SERPINI1: variants seen among roughly 807,000 people sequenced by gnomAD.
The protein encoded by SERPINI1 is neuroserpin.
SERPINI1 carries 19 observed loss-of-function variants against 41.1 expected under a neutral mutation model. The ratio of observed to expected loss-of-function variants is 0.46; its 90% CI spans 0.32 to 0.68. The LOEUF (loss-of-function observed/expected upper bound fraction) is 0.68, where lower values mean the gene tolerates loss of function less well. Among genes scored for constraint, SERPINI1 ranks in the 30% least tolerant of loss-of-function variants. The probability of loss-of-function intolerance (pLI) is 0.03; values close to 1 mark genes in which losing one functional copy is unlikely to be tolerated. For synonymous variants in SERPINI1, 138 were observed against 156.6 expected (o/e 0.88, Z 0.89); for missense variants, 460 against 479.2 (o/e 0.96, Z 0.37).
intron 6 of SERPINI1, among the ~76,000 whole-genome samples, chr3:167,818,216 C>T (rs1654155255): frequency 1.3e-5 from 2 of 151,880 alleles, no homozygotes; most frequent in Non-Finnish European, 2.9e-5. Flanking sequence ...TTAGTAGAGA[C>T]GGGGTTTCAC....
intron 1 of SERPINI1, among the ~76,000 whole-genome samples, chr3:167,739,510 G>T (rs1163123704): frequency 2.0e-5 from 3 of 152,178 alleles, no homozygotes; most frequent in Non-Finnish European, 4.4e-5. Context: ...TTGAGTGCCA[G>T]CATTTCTAAA....
At chr3:167,822,829 T>C in intron 6 of SERPINI1, 157 bp from the exon 7 acceptor site, 1 of 594,740 alleles carries the variant, frequency 1.7e-6, no homozygotes. Flanking sequence ...AAACCACATC[T>C]TCAATGGTTA....
chr3:167,811,386 G>GA (rs1025120767), intron 6 of SERPINI1, among the ~76,000 whole-genome samples: 4 of 136,588 alleles, frequency 2.9e-5, no homozygotes, highest in African/African-American at 1.1e-4. Context: ...AAACAGAGAA[G>GA]AAAAAAAAAT....
At chr3:167,814,201 T>C (rs562948670) in intron 6 of SERPINI1, among the ~76,000 whole-genome samples, 2 of 152,344 alleles carry the variant, frequency 1.3e-5, no homozygotes, top group East Asian at 3.9e-4. Context: ...TGTTCTTTTA[T>C]TTGATGTCTG....
intron 7 of SERPINI1, among the ~76,000 whole-genome samples, 166 bp from the exon 8 acceptor site, chr3:167,824,307 G>C (rs1477904978): frequency 6.6e-6 from 1 of 152,174 alleles, no homozygotes; most frequent in Non-Finnish European, 1.5e-5. Flanking sequence ...AGATCAAGTA[G>C]AAATGTTAAC....
chr3:167,819,794 T>A (rs1472524541), intron 6 of SERPINI1, among the ~76,000 whole-genome samples: 1 of 152,152 alleles, frequency 6.6e-6, no homozygotes, highest in Admixed American at 6.5e-5. Flanking sequence ...TAATGGGAAA[T>A]CAATTGTGCT....
Position 167,769,701 on chromosome 3 carries a change from C to A in SERPINI1, c.-18-19410C>A, listed in dbSNP as rs191159209. Among the ~76,000 whole-genome samples the A allele has an allele frequency of 2.6e-3, 397 of 152,062 alleles. 2 individuals are homozygous for A. The highest frequency in any genetic ancestry group is 6.8e-3 in the Middle Eastern group (2 of 294). On this transcript the variant is annotated intron_variant, in intron 1 of 8. Transcript: ENST00000446050. ...TCATTCTCTAATATTAAGAGTGTGA[C>A]CCTTAATATTTTTATCAGTCTGTTA...
chr3:167,804,639 C>T (rs1345076403), intron 5 of SERPINI1, among the ~76,000 whole-genome samples: 1 of 151,274 alleles, frequency 6.6e-6, no homozygotes, highest in East Asian at 2.0e-4. Flanking sequence ...TCAAGATCAG[C>T]CTCAGCAATA....
intron 5 of SERPINI1, among the ~76,000 whole-genome samples, chr3:167,802,017 C>A (rs1727914682): frequency 6.6e-6 from 1 of 151,998 alleles, no homozygotes; most frequent in African/African-American, 2.4e-5. Context: ...GAAAAACAAG[C>A]AATGGGGAAA....
At chr3:167,748,752 C>CTGTGTGTGTGTGTGTGTGTG (rs34438429) in intron 1 of SERPINI1, among the ~76,000 whole-genome samples, 12 of 143,548 alleles carry the variant, frequency 8.4e-5, no homozygotes, top group Non-Finnish European at 1.2e-4. Context: ...GTGTGTTACT[C>CTGTGTGTGTGTGTGTGTGTG]TGTGTGTGTG....
At chr3:167,792,067 G>A (rs1727538076) in intron 3 of SERPINI1, among the ~76,000 whole-genome samples, 1 of 152,166 alleles carries the variant, frequency 6.6e-6, no homozygotes, top group Non-Finnish European at 1.5e-5. Context: ...AGAGTTTGCA[G>A]TGAGCAGAGA....
rs1203943123 is a variant in SERPINI1, at chr3:167,744,699, AAT to A, written c.-19+8884_-19+8885del. On this transcript the variant is annotated intron_variant, in intron 1 of 8. Transcript: ENST00000446050. ...ATAAATATATATATAAACATATATA[AAT>A]ATATATAAAATATATATAAATATAT... 2.0e-4 allele frequency among the ~76,000 whole-genome samples: 21 copies of A among 103,980 alleles called. No homozygotes were observed. The East Asian group carries it at 4.9e-3, about 24-fold the overall frequency. 68.2% of individuals were successfully genotyped at this position (103,980 alleles called of 152,430 possible).
chr3:167,804,765 C>G (rs926806206), intron 5 of SERPINI1, among the ~76,000 whole-genome samples: 3 of 152,110 alleles, frequency 2.0e-5, no homozygotes, highest in African/African-American at 4.8e-5. Flanking sequence ...ATTGCTTGAG[C>G]CTGGGGGTTC....
intron 5 of SERPINI1, among the ~76,000 whole-genome samples, chr3:167,796,500 C>T (rs887814923): frequency 1.3e-5 from 2 of 152,070 alleles, no homozygotes; most frequent in African/African-American, 4.8e-5. Context: ...TATCCTGATA[C>T]TCTCCCTCCC....
chr3:167,792,403 A>AGTGT (rs113251395), intron 3 of SERPINI1, among the ~76,000 whole-genome samples, 187 bp from the exon 4 acceptor site: 70 of 151,282 alleles, frequency 4.6e-4, no homozygotes, highest in African/African-American at 1.4e-3. Flanking sequence ...ATATATATGT[A>AGTGT]GTGTGTGTGT....
chr3:167,823,194 C>G (rs1712399613), intron 7 of SERPINI1, 122 bp downstream of exon 7: 2 of 750,026 alleles, frequency 2.7e-6, no homozygotes, highest in Non-Finnish European at 4.9e-6. Context: ...ACTTAGAAGT[C>G]AAGCAAATGC....
At chr3:167,765,135 C>T (rs1726517348) in intron 1 of SERPINI1, among the ~76,000 whole-genome samples, 1 of 152,210 alleles carries the variant, frequency 6.6e-6, no homozygotes, top group Non-Finnish European at 1.5e-5. Context: ...GCCCTCTCCT[C>T]ACATATCCAC....
chr3:167,810,621 A>G (rs569823585), intron 6 of SERPINI1, among the ~76,000 whole-genome samples: 1 of 152,324 alleles, frequency 6.6e-6, no homozygotes, highest in South Asian at 2.1e-4. Flanking sequence ...TTGGTGGAGA[A>G]TCTTGCCTTG....
At chr3:167,758,965 G>C (rs926000652) in intron 1 of SERPINI1, among the ~76,000 whole-genome samples, 33 of 152,018 alleles carry the variant, frequency 2.2e-4, no homozygotes, top group African/African-American at 7.0e-4. Context: ...TATTTGAGTG[G>C]CTCTTTATAA....
Sources: allele counts gnomAD v4.1 joint callset (sites outside exome capture counted in the v4.1 genomes callset), GRCh38; gene constraint gnomAD v4.1.1; transcripts MANE v1.5; gene names NCBI Gene and HGNC (gene_info 2026-07-23, HGNC 2026-07-21).